The following WDR70 variants were observed in gnomAD, a reference collection of about 807,000 sequenced individuals.
The protein encoded by WDR70 is WD repeat-containing protein 70.
In WDR70, 53 loss-of-function variants were observed where a neutral mutation model predicts 88.6. The ratio of observed to expected loss-of-function variants is 0.60; its 90% confidence interval spans 0.48 to 0.75. The LOEUF (loss-of-function observed/expected upper bound fraction) is 0.75, where lower values mean the gene tolerates loss of function less well. Ranked by LOEUF, WDR70 falls within the 30% of genes least tolerant of loss-of-function variation. The probability of loss-of-function intolerance (pLI) is 0.00; values close to 1 mark genes in which losing one functional copy is unlikely to be tolerated. For missense variants in WDR70, 610 were observed against 823.2 expected (o/e 0.74, Z 3.17); for synonymous variants, 280 against 270.0 (o/e 1.04, Z -0.36).
intron 8 of WDR70, among the ~76,000 whole-genome samples, chr5:37,502,345 G>A (rs999139223): frequency 2.6e-5 from 4 of 152,028 alleles, no homozygotes; most frequent in African/African-American, 7.2e-5. Flanking sequence ...TGGGCAACTT[G>A]GTCTTGTTCC....
intron 11 of WDR70, among the ~76,000 whole-genome samples, chr5:37,698,792 CTCAT>C (rs1747059126): frequency 1.3e-5 from 2 of 152,182 alleles, no homozygotes; most frequent in African/African-American, 4.8e-5. Context: ...CCCTGGGGAA[CTCAT>C]TCAGATTCTC....
At chr5:37,600,254 G>A (rs116207280) in intron 9 of WDR70, among the ~76,000 whole-genome samples, 1,682 of 152,256 alleles carry the variant, frequency 0.011, 15 homozygotes, top group Middle Eastern at 0.048. Context: ...TCGGCTGGGT[G>A]CAGTGGCTCA....
chr5:37,674,275 C>A (rs1746128732), intron 10 of WDR70, among the ~76,000 whole-genome samples: 1 of 151,774 alleles, frequency 6.6e-6, no homozygotes. Context: ...TTTACATGTG[C>A]ACAATGTGCA....
chr5:37,684,116 T>C (rs931714498), intron 10 of WDR70, among the ~76,000 whole-genome samples: 1 of 152,246 alleles, frequency 6.6e-6, no homozygotes, highest in Admixed American at 6.5e-5. Flanking sequence ...AGATTCTTTC[T>C]TCATTTTGGT....
At chr5:37,413,720 CAAAAA>C (rs746817084) in intron 5 of WDR70, among the ~76,000 whole-genome samples, 1 of 108,034 alleles carries the variant, frequency 9.3e-6, no homozygotes, top group Non-Finnish European at 1.8e-5. Context: ...GACTCTGTCT[CAAAAA>C]AAAAAAAAAA....
chr5:37,473,516 G>A (rs181211708), intron 7 of WDR70, among the ~76,000 whole-genome samples: 313 of 151,890 alleles, frequency 2.1e-3, no homozygotes, highest in African/African-American at 7.0e-3. Flanking sequence ...CTAATTTCTT[G>A]TATTTTTAGT....
At chr5:37,521,542 T>C (rs1042053018) in intron 9 of WDR70, among the ~76,000 whole-genome samples, 4 of 152,192 alleles carry the variant, frequency 2.6e-5, no homozygotes, top group Non-Finnish European at 5.9e-5. Context: ...CTTATGCCTT[T>C]GTGTTCTCAT....
At chr5:37,629,326 A>G (rs1356461360) in intron 10 of WDR70, among the ~76,000 whole-genome samples, 3 of 152,194 alleles carry the variant, frequency 2.0e-5, no homozygotes, top group Non-Finnish European at 2.9e-5. Context: ...TCTCTCTCCC[A>G]AGACTCAGGA....
At chr5:37,428,237 T>G (rs1750195602) in intron 5 of WDR70, among the ~76,000 whole-genome samples, 1 of 152,214 alleles carries the variant, frequency 6.6e-6, no homozygotes, top group South Asian at 2.1e-4. Context: ...TTTGCTTTTC[T>G]GCAGATATCA....
intron 10 of WDR70, among the ~76,000 whole-genome samples, chr5:37,667,120 A>G (rs1313682717): frequency 6.6e-6 from 1 of 152,136 alleles, no homozygotes; most frequent in Non-Finnish European, 1.5e-5. Context: ...GATTGAATTT[A>G]TACTAGACTT....
chr5:37,609,073 A>G (rs181889198), intron 10 of WDR70, among the ~76,000 whole-genome samples: 2 of 152,364 alleles, frequency 1.3e-5, no homozygotes, highest in East Asian at 3.9e-4. Context: ...GAATACATTT[A>G]AAGAATAGTA....
intron 9 of WDR70, among the ~76,000 whole-genome samples, chr5:37,558,623 G>C (rs1167021576): frequency 6.6e-6 from 1 of 151,950 alleles, no homozygotes; most frequent in Non-Finnish European, 1.5e-5. Flanking sequence ...ACTGCACCCA[G>C]CCCACGTTGA....
intron 2 of WDR70, among the ~76,000 whole-genome samples, chr5:37,380,107 C>T (rs1328377084): frequency 2.0e-5 from 3 of 152,058 alleles, no homozygotes; most frequent in Non-Finnish European, 2.9e-5. Flanking sequence ...AAAATGAAAA[C>T]AAAACTTAGT....
At chr5:37,720,102 A>G (rs960901072) in intron 13 of WDR70, among the ~76,000 whole-genome samples, 1 of 152,220 alleles carries the variant, frequency 6.6e-6, no homozygotes, top group African/African-American at 2.4e-5. Flanking sequence ...AACCAAAGAA[A>G]TTCAGCCCAA....
chr5:37,584,825 A>G (rs959792129), intron 9 of WDR70, among the ~76,000 whole-genome samples: 1 of 151,696 alleles, frequency 6.6e-6, no homozygotes, highest in Non-Finnish European at 1.5e-5. Flanking sequence ...GATTTGTTCT[A>G]TCCACTTGGT....
intron 7 of WDR70, among the ~76,000 whole-genome samples, 155 bp from the exon 8 acceptor site, chr5:37,479,679 G>C (rs564021426): frequency 2.3e-4 from 35 of 152,248 alleles, no homozygotes; most frequent in Non-Finnish European, 4.0e-4. Context: ...CCGCTAGTGG[G>C]TATTTAGAAC....
intron 10 of WDR70, among the ~76,000 whole-genome samples, chr5:37,666,415 T>C (rs183255604): frequency 5.9e-4 from 90 of 152,312 alleles, no homozygotes; most frequent in Non-Finnish European, 1.0e-3. Flanking sequence ...TTAAATTACT[T>C]TAGGGACTCT....
intron 9 of WDR70, among the ~76,000 whole-genome samples, chr5:37,593,928 G>T (rs1743616949): frequency 6.6e-6 from 1 of 152,170 alleles, no homozygotes; most frequent in African/African-American, 2.4e-5. Context: ...TCATGTGTCT[G>T]ATGGCTGCAT....
chr5:37,590,683 G>A (rs1743506340), intron 9 of WDR70, among the ~76,000 whole-genome samples: 1 of 152,146 alleles, frequency 6.6e-6, no homozygotes, highest in South Asian at 2.1e-4. Context: ...TCAGAGTGAT[G>A]TGATCATAAG....
Sources: gnomAD v4.1 joint callset for allele counts (sites outside exome capture counted in the v4.1 genomes callset) on GRCh38, gnomAD v4.1.1 for gene constraint, MANE v1.5 for transcripts, NCBI Gene and HGNC (gene_info 2026-07-23, HGNC 2026-07-21) for gene names.